Variants in CSMD1 observed in about 807,000 individuals in gnomAD.
The protein encoded by CSMD1 is CUB and Sushi multiple domains 1.
Under a neutral mutation model 417.5 loss-of-function variants are expected in CSMD1, and 213 were observed. The observed-to-expected ratio is 0.51, with a 90% CI of 0.46 to 0.57. The LOEUF (loss-of-function observed/expected upper bound fraction) is 0.57, where lower values mean the gene tolerates loss of function less well. Among genes scored for constraint, CSMD1 ranks in the 20% least tolerant of loss-of-function variants. The pLI, the probability that CSMD1 is intolerant of heterozygous loss-of-function variation, is 0.00. For missense variants in CSMD1, 6,923 were observed against 4,529.7 expected, an observed-to-expected ratio of 1.53 and a Z score of -15.17; for synonymous variants, 2,862 against 1,736.8, an observed-to-expected ratio of 1.65 and a Z score of -16.11.
At chr8:4,206,799 A>C (rs913603340) in intron 3 of CSMD1, among the ~76,000 whole-genome samples, 1 of 152,154 alleles carries the variant, frequency 6.6e-6, no homozygotes, top group Non-Finnish European at 1.5e-5. Flanking sequence ...TTATATAAAG[A>C]TTGTTCTAAT....
At chr8:3,777,099 G>C (rs898089734) in intron 5 of CSMD1, among the ~76,000 whole-genome samples, 2 of 145,380 alleles carry the variant, frequency 1.4e-5, no homozygotes, top group African/African-American at 2.6e-5. Flanking sequence ...TCTATCATCT[G>C]TCTATATTAG....
intron 2 of CSMD1, among the ~76,000 whole-genome samples, chr8:4,459,064 A>G (rs1799654713): frequency 6.6e-6 from 1 of 152,130 alleles, no homozygotes; most frequent in Non-Finnish European, 1.5e-5. Flanking sequence ...GGCCAGGAAA[A>G]CTAGATTCTC....
At chr8:4,295,422 T>C (rs1292002012) in intron 3 of CSMD1, among the ~76,000 whole-genome samples, 1 of 144,492 alleles carries the variant, frequency 6.9e-6, no homozygotes, top group Non-Finnish European at 1.5e-5. Context: ...ATTATACACA[T>C]ATAATCTTAA....
intron 1 of CSMD1, among the ~76,000 whole-genome samples, chr8:4,720,908 T>G (rs1452319034): frequency 6.6e-6 from 1 of 152,166 alleles, no homozygotes; most frequent in Non-Finnish European, 1.5e-5. Context: ...GTGACCTTGA[T>G]CAAACATCTT....
intron 12 of CSMD1, among the ~76,000 whole-genome samples, chr8:3,444,931 C>T (rs966142956): frequency 4.6e-5 from 7 of 152,152 alleles, no homozygotes; most frequent in Admixed American, 4.6e-4. Context: ...ACCCCGTCTC[C>T]TGATGGGAGA....
intron 3 of CSMD1, among the ~76,000 whole-genome samples, chr8:4,233,443 T>G (rs1396763919): frequency 2.0e-5 from 3 of 152,168 alleles, no homozygotes; most frequent in African/African-American, 4.8e-5. Context: ...TGTGATGGTA[T>G]TTGGAGATGG....
At chr8:4,416,980 G>A (rs1220968708) in intron 3 of CSMD1, among the ~76,000 whole-genome samples, 1 of 152,030 alleles carries the variant, frequency 6.6e-6, no homozygotes, top group Non-Finnish European at 1.5e-5. Flanking sequence ...GTCAAAGACA[G>A]CTATGCAACT....
chr8:3,361,301 A>G (rs544078755), intron 20 of CSMD1, among the ~76,000 whole-genome samples: 2 of 152,126 alleles, frequency 1.3e-5, no homozygotes, highest in South Asian at 4.2e-4. Flanking sequence ...TGTGCACTCA[A>G]TTCAAGCCAT....
intron 3 of CSMD1, among the ~76,000 whole-genome samples, chr8:4,036,780 C>T (rs935626357): frequency 6.6e-6 from 1 of 152,232 alleles, no homozygotes; most frequent in African/African-American, 2.4e-5. Flanking sequence ...TTGGCAGCAC[C>T]ACTATTTCAT....
In CSMD1 at chr8:4,243,287, G is replaced by C. The variant is rs148775170; in HGVS notation, c.415+176666C>G. Among the ~76,000 whole-genome samples, 816 of 152,232 alleles carry C rather than the reference G, an allele frequency of 5.4e-3. 4 individuals carry two copies. The highest frequency in any genetic ancestry group is 7.1e-3 in the Non-Finnish European group (482 of 68,014). Reference sequence around the variant, plus strand: ...TTACCTAGTCTCATGAACTAGGTCTGAATTTCATGGTAAAGGCTCTTGGCT... The same window carrying C: ...TTACCTAGTCTCATGAACTAGGTCTCAATTTCATGGTAAAGGCTCTTGGCT... On this transcript the variant is annotated intron_variant, in intron 3 of 69. Transcript: ENST00000635120.
In CSMD1 at chr8:3,214,630, T is replaced by G; in HGVS notation, c.4734A>C (p.Thr1578=). The G allele has an allele frequency of 6.4e-7, 1 of 1,555,214 alleles. No homozygotes were observed. The highest frequency in any genetic ancestry group is 8.7e-7 in the Non-Finnish European group (1 of 1,148,814). ...TGATGGTGGAGCCAAGCTTGAAGTC[T>G]GTTCCAACTCTTGTCCCATTCATTA... ...GNIMNGTRVG[T]DFKLGSTITY... Residue 1578 remains threonine, a synonymous_variant, in exon 30 of 70, where the codon ACA becomes ACC. Transcript: ENST00000635120.
At chr8:4,284,398 G>T (rs1032168534) in intron 3 of CSMD1, among the ~76,000 whole-genome samples, 1 of 91,690 alleles carries the variant, frequency 1.1e-5, no homozygotes, top group African/African-American at 4.4e-5. Flanking sequence ...AAAAGAGAAA[G>T]GTTGTTCTTC....
chr8:3,607,810 G>A (rs1369436114), intron 8 of CSMD1, among the ~76,000 whole-genome samples: 1 of 152,180 alleles, frequency 6.6e-6, no homozygotes, highest in Non-Finnish European at 1.5e-5. Context: ...CAAATGAGAA[G>A]AATCAGCATG....
intron 49 of CSMD1, among the ~76,000 whole-genome samples, chr8:3,066,310 A>C (rs1484348988): frequency 1.3e-5 from 2 of 152,224 alleles, no homozygotes; most frequent in Non-Finnish European, 1.5e-5. Context: ...ACTCCATGAA[A>C]ATCTCATAGT....
intron 2 of CSMD1, among the ~76,000 whole-genome samples, chr8:4,443,788 CTG>C (rs1798620530): frequency 6.6e-6 from 1 of 152,154 alleles, no homozygotes; most frequent in African/African-American, 2.4e-5. Context: ...CAAGTGTGAT[CTG>C]TGTCATGTCC....
At chr8:3,787,576 C>T (rs1429494925) in intron 5 of CSMD1, among the ~76,000 whole-genome samples, 1 of 151,924 alleles carries the variant, frequency 6.6e-6, no homozygotes, top group African/African-American at 2.4e-5. Flanking sequence ...TTTCCAGGTA[C>T]CTTAATTAAA....
intron 2 of CSMD1, among the ~76,000 whole-genome samples, chr8:4,512,352 A>T (rs1802868609): frequency 6.6e-6 from 1 of 152,226 alleles, no homozygotes; most frequent in Non-Finnish European, 1.5e-5. Flanking sequence ...ATGAAAACTC[A>T]AAGCTTTCTC....
chr8:3,628,877 A>ATTTT lies in CSMD1; in HGVS notation c.1010-12081_1010-12080insAAAA, dbSNP rs1195579695. On this transcript the variant is annotated intron_variant, in intron 7 of 69. Transcript: ENST00000635120. ...AACCCAAATAATCTAAGTTTTTTTA[A>ATTTT]AAAGATTATTCAAAACGAAGACAGG... Among the ~76,000 whole-genome samples the ATTTT allele has an allele frequency of 8.7e-3, 1,142 of 131,966 alleles. 12 individuals carry two copies. The highest frequency in any genetic ancestry group is 0.029 in the African/African-American group (1,087 of 37,150). The allele number at this position is 131,966 out of a possible 152,430, so 86.6% of individuals were successfully genotyped here. A position where few individuals can be genotyped will look rare whatever the true frequency, so the allele number is the denominator to read the frequency against.
At chr8:4,606,074 G>C (rs1331480437) in intron 2 of CSMD1, among the ~76,000 whole-genome samples, 1 of 152,134 alleles carries the variant, frequency 6.6e-6, no homozygotes, top group Admixed American at 6.5e-5. Context: ...GGATGCGGTG[G>C]TGGGAGGCTA....
Sources: gnomAD v4.1 joint callset for allele counts (sites outside exome capture counted in the v4.1 genomes callset) on GRCh38, gnomAD v4.1.1 for gene constraint, MANE v1.5 for transcripts, NCBI Gene and HGNC (gene_info 2026-07-23, HGNC 2026-07-21) for gene names.